STPG2: variants seen among roughly 807,000 people sequenced by gnomAD.
STPG2 encodes sperm-tail PG-rich repeat-containing protein 2.
In STPG2, 56 loss-of-function variants were observed where a neutral mutation model predicts 54.2. The ratio of observed to expected loss-of-function variants is 1.03; its 90% confidence interval spans 0.83 to 1.29. The LOEUF (loss-of-function observed/expected upper bound fraction) is 1.29, where lower values mean the gene tolerates loss of function less well. Among genes scored for constraint, STPG2 ranks in the 50% most tolerant of loss-of-function variants. The pLI is 0.00. For missense variants in STPG2, 596 were observed against 544.9 expected (o/e 1.09, Z -0.93); for synonymous variants, 200 against 181.8 (o/e 1.10, Z -0.81).
chr4:97,894,800 C>A (rs561392013), intron 8 of STPG2, among the ~76,000 whole-genome samples: 17 of 152,018 alleles, frequency 1.1e-4, no homozygotes, highest in African/African-American at 3.1e-4. Context: ...GGGGTCTCAA[C>A]AATAGCTGTC....
chr4:98,024,113 C>A (rs1736334294), intron 5 of STPG2, among the ~76,000 whole-genome samples: 1 of 152,180 alleles, frequency 6.6e-6, no homozygotes, highest in South Asian at 2.1e-4. Flanking sequence ...AATCACCTGT[C>A]TTCTGTGTCA....
At chr4:97,679,561 T>C (rs964493620) in intron 10 of STPG2, among the ~76,000 whole-genome samples, 3 of 151,386 alleles carry the variant, frequency 2.0e-5, no homozygotes, top group African/African-American at 7.3e-5. Context: ...AAAAATTTTC[T>C]CCCATTTTGT....
At chr4:97,904,288 G>A (rs1731307985) in intron 8 of STPG2, among the ~76,000 whole-genome samples, 2 of 152,210 alleles carry the variant, frequency 1.3e-5, no homozygotes, top group African/African-American at 2.4e-5. Context: ...GTGGGTCCCT[G>A]ACCCCTGACC....
intron 9 of STPG2, among the ~76,000 whole-genome samples, chr4:97,725,347 G>A (rs1422826535): frequency 6.6e-6 from 1 of 150,954 alleles, no homozygotes; most frequent in African/African-American, 2.4e-5. Flanking sequence ...TTTAGTCTTT[G>A]TTTCCTTAAG....
intron 4 of STPG2, among the ~76,000 whole-genome samples, chr4:97,464,524 C>A (rs1729743754): frequency 6.6e-6 from 1 of 152,114 alleles, no homozygotes; most frequent in South Asian, 2.1e-4. Context: ...TTAAGCAATT[C>A]TCCTGCCTCA....
intron 9 of STPG2, among the ~76,000 whole-genome samples, chr4:97,825,659 G>C (rs569985701): frequency 1.2e-4 from 18 of 152,144 alleles, no homozygotes; most frequent in Non-Finnish European, 2.6e-4. Context: ...ATCCAATTAA[G>C]AAACTGGTAA....
At chr4:98,107,455 T>C (rs1739219508) in intron 4 of STPG2, among the ~76,000 whole-genome samples, 1 of 137,606 alleles carries the variant, frequency 7.3e-6, no homozygotes, top group Non-Finnish European at 1.6e-5. Context: ...TCCATATTCA[T>C]ACATTTCTTC....
At position 97,840,766 on chromosome 4, in the gene STPG2, G is replaced by C. The variant is rs753626362; in HGVS notation, c.1204+7C>G. ...CCTCATAGCTTTATAAGGACTTCTA[G>C]ACTTACCTGGCCCATCAGTCACTTT... On this transcript the variant is annotated splice_region_variant and intron_variant, in intron 9 of 10. Transcript: ENST00000295268. The C allele has an allele frequency of 1.2e-6, 2 of 1,608,836 alleles. No homozygotes were observed. Among genetic ancestry groups the C allele is most frequent in the South Asian group, 1.1e-5 (1 of 90,688 alleles).
chr4:97,747,516 T>G (rs534473276), intron 9 of STPG2, among the ~76,000 whole-genome samples: 8 of 151,512 alleles, frequency 5.3e-5, no homozygotes, highest in Non-Finnish European at 1.0e-4. Flanking sequence ...CTTGAACTTT[T>G]TACAAATTTA....
intron 5 of STPG2, among the ~76,000 whole-genome samples, chr4:97,991,099 T>C (rs1290849739): frequency 4.6e-5 from 7 of 151,956 alleles, no homozygotes; most frequent in African/African-American, 1.7e-4. Context: ...CGAAGCCCAT[T>C]GTATCATTCT....
chr4:97,480,527 TTTTC>T (rs1273749235), intron 4 of STPG2, among the ~76,000 whole-genome samples: 1 of 151,568 alleles, frequency 6.6e-6, no homozygotes, highest in Non-Finnish European at 1.5e-5. Flanking sequence ...TGGTCTCTAG[TTTTC>T]TTTAATTATA....
intron 4 of STPG2, among the ~76,000 whole-genome samples, chr4:97,458,024 T>C (rs1480275911): frequency 1.3e-5 from 2 of 152,242 alleles, no homozygotes; most frequent in Admixed American, 1.3e-4. Context: ...ATTAACAACG[T>C]ACTTTCTCTT....
chr4:97,750,712 G>GA (rs1725558453), intron 9 of STPG2, among the ~76,000 whole-genome samples: 1 of 151,586 alleles, frequency 6.6e-6, no homozygotes, highest in South Asian at 2.1e-4. Flanking sequence ...GGTGATCCCT[G>GA]AAAAATATAT....
intron 10 of STPG2, among the ~76,000 whole-genome samples, chr4:97,575,553 T>A (rs1732702512): frequency 6.6e-6 from 1 of 152,042 alleles, no homozygotes; most frequent in Non-Finnish European, 1.5e-5. Flanking sequence ...CAGAAAAAGC[T>A]TTTGATAAAA....
intron 5 of STPG2, among the ~76,000 whole-genome samples, chr4:98,000,802 G>A (rs973431505): frequency 6.6e-6 from 1 of 152,114 alleles, no homozygotes; most frequent in East Asian, 1.9e-4. Context: ...CCATTCAAAT[G>A]AGAAAAATTT....
chr4:98,062,722 A>T (rs1207424222), intron 5 of STPG2, among the ~76,000 whole-genome samples: 3 of 152,102 alleles, frequency 2.0e-5, no homozygotes, highest in Non-Finnish European at 4.4e-5. Context: ...ACTTTGAATT[A>T]AAAGAAGATG....
At chr4:98,118,250 T>C (rs897230255) in intron 3 of STPG2, among the ~76,000 whole-genome samples, 51 of 152,122 alleles carry the variant, frequency 3.4e-4, no homozygotes, top group Admixed American at 3.3e-3. Flanking sequence ...ATAATTTTAA[T>C]GCTCAAGCGG....
intron 10 of STPG2, among the ~76,000 whole-genome samples, chr4:97,665,448 T>C (rs574391912): frequency 6.6e-6 from 1 of 152,254 alleles, no homozygotes; most frequent in South Asian, 2.1e-4. Context: ...GAGGAGACCC[T>C]GGGGTGGGTA....
At chr4:97,942,834 T>C (rs1329839354) in intron 8 of STPG2, among the ~76,000 whole-genome samples, 1 of 152,172 alleles carries the variant, frequency 6.6e-6, no homozygotes, top group African/African-American at 2.4e-5. Flanking sequence ...TTAAACCTTG[T>C]TTAATAATCC....
Sources: allele counts gnomAD v4.1 joint callset (sites outside exome capture counted in the v4.1 genomes callset), GRCh38; gene constraint gnomAD v4.1.1; transcripts MANE v1.5; gene names NCBI Gene and HGNC (gene_info 2026-07-23, HGNC 2026-07-21).